The following SPECC1L variants were observed in gnomAD, a reference collection of about 807,000 sequenced individuals.
SPECC1L encodes the protein cytospin-A.
Under a neutral mutation model 116.8 loss-of-function variants are expected in SPECC1L, and 40 were observed. The observed-to-expected ratio is 0.34, with a 90% CI of 0.27 to 0.45. The LOEUF is 0.45. SPECC1L is among the 20% of genes least tolerant of loss of function. The pLI, the probability that SPECC1L is intolerant of heterozygous loss-of-function variation, is 1.00. For synonymous variants in SPECC1L, 504 were observed against 500.6 expected, an observed-to-expected ratio of 1.01 and a Z score of -0.09; for missense variants, 1,110 against 1,373.6, an observed-to-expected ratio of 0.81 and a Z score of 3.03.
chr22:24,324,168 A>G (rs2040773666), intron 5 of SPECC1L, 52 bp from the exon 6 acceptor site: 2 of 1,481,588 alleles, frequency 1.3e-6, no homozygotes, highest in Non-Finnish European at 1.9e-6. Flanking sequence ...TCTGGAACGT[A>G]CCTTAGAACA....
chr22:24,278,627 G>T (rs922047811), intron 2 of SPECC1L, among the ~76,000 whole-genome samples: 4 of 152,168 alleles, frequency 2.6e-5, no homozygotes, highest in Non-Finnish European at 5.9e-5. Context: ...TTCCAATGGA[G>T]GGGGTGGAGG....
intron 14 of SPECC1L, among the ~76,000 whole-genome samples, chr22:24,410,071 A>C (rs2042664354): frequency 6.6e-6 from 1 of 152,272 alleles, no homozygotes; most frequent in African/African-American, 2.4e-5. Context: ...TGGAGAGCAC[A>C]TAGCCGGCCT....
In SPECC1L at chr22:24,366,226, G is replaced by A. The variant is rs1337675555; in HGVS notation, c.2984+594G>A. The stretch of plus-strand genomic sequence containing the variant: ...TTTTTTTTTTTTGAGATGGAGCCTC[G>A]CTGTCGCCCAGGTTGGAGTGCAGTG... On this transcript the variant is annotated intron_variant, in intron 13 of 16. Transcript: ENST00000314328. Among the ~76,000 whole-genome samples, 7 of 151,356 alleles carry A rather than the reference G, an allele frequency of 4.6e-5. No individual in the cohort carries two copies. The South Asian group carries it at 1.3e-3, about 27-fold the overall frequency.
chr22:24,341,120 A>G (rs1489757777), intron 10 of SPECC1L, among the ~76,000 whole-genome samples: 2 of 152,148 alleles, frequency 1.3e-5, no homozygotes, highest in Non-Finnish European at 1.5e-5. Flanking sequence ...ATTGGATCTG[A>G]GTAGACACAA....
rs2042827816 is a variant in SPECC1L, at chr22:24,417,678, A to G, written c.*3055A>G. 6.6e-6 allele frequency: 1 copy of G among 152,220 alleles called. No homozygotes were observed. 9.4% of individuals were successfully genotyped at this position (152,220 alleles called of 1,614,324 possible). On this transcript the variant is annotated 3_prime_UTR_variant, in exon 17 of 17. Coordinates refer to ENST00000314328, the MANE Select transcript of SPECC1L (RefSeq NM_015330.6). The stretch of plus-strand genomic sequence containing the variant: ...GGAAATAATTGTCAGGATGTATAAA[A>G]TAGAGAAAAAGAAAAAAGGTATCCT...
At chr22:24,357,645 G>A (rs2041558681) in intron 11 of SPECC1L, among the ~76,000 whole-genome samples, 1 of 152,114 alleles carries the variant, frequency 6.6e-6, no homozygotes, top group Non-Finnish European at 1.5e-5. Context: ...TTTAAATGTG[G>A]GAGTTTGAGT....
In SPECC1L at chr22:24,322,339, C is replaced by T. The variant is rs143055101; in HGVS notation, c.1359C>T (p.Ser453=). Residue 453 remains serine, a synonymous_variant, in exon 5 of 17, where the codon AGC becomes AGT. Transcript: ENST00000314328. ...VILMESLCQQ[S]DKLEHFSRQI... ...TGATGGAGTCTTTATGTCAGCAGAG[C>T]GATAAGTTGGAACACTTTAGTCGAC... 1,200 of 1,614,124 alleles carry T rather than the reference C, an allele frequency of 7.4e-4. 6 individuals carry two copies. In the African/African-American group the frequency reaches 0.012, roughly 17 times the overall value.
At chr22:24,387,380 T>G (rs2042181059) in intron 14 of SPECC1L, among the ~76,000 whole-genome samples, 1 of 152,178 alleles carries the variant, frequency 6.6e-6, no homozygotes, top group African/African-American at 2.4e-5. Flanking sequence ...AGAATAGTGG[T>G]TATCTTTAGG....
At chr22:24,395,445 CAG>C in intron 14 of SPECC1L, among the ~76,000 whole-genome samples, 1 of 152,130 alleles carries the variant, frequency 6.6e-6, no homozygotes, top group South Asian at 2.1e-4. Context: ...CCCATAATAC[CAG>C]AGAGGGACTG....
At chr22:24,280,001 T>G (rs1366253589) in intron 2 of SPECC1L, among the ~76,000 whole-genome samples, 6 of 152,268 alleles carry the variant, frequency 3.9e-5, no homozygotes, top group Non-Finnish European at 7.3e-5. Flanking sequence ...TTTTGAATTT[T>G]GCTGTCTTGA....
intron 5 of SPECC1L, among the ~76,000 whole-genome samples, chr22:24,323,621 TTTTA>T (rs1229314475): frequency 1.6e-4 from 24 of 152,350 alleles, no homozygotes; most frequent in Admixed American, 1.4e-3. Context: ...CTAGCTTACA[TTTTA>T]TTTATTTGTT....
intron 14 of SPECC1L, among the ~76,000 whole-genome samples, chr22:24,372,524 C>T (rs1379147505): frequency 3.3e-5 from 5 of 152,214 alleles, no homozygotes; most frequent in East Asian, 3.9e-4. Flanking sequence ...TGACAAAAAC[C>T]ATATGATTAT....
At chr22:24,383,345 G>A (rs965619780) in intron 14 of SPECC1L, among the ~76,000 whole-genome samples, 2 of 152,154 alleles carry the variant, frequency 1.3e-5, no homozygotes, top group Non-Finnish European at 2.9e-5. Context: ...GGGAAACCAA[G>A]GTGGGAGGAT....
intron 14 of SPECC1L, among the ~76,000 whole-genome samples, chr22:24,388,837 T>A (rs190534037): frequency 2.0e-5 from 3 of 152,338 alleles, no homozygotes; most frequent in Admixed American, 1.3e-4. Flanking sequence ...TTGTGTTATT[T>A]TTTTTACAAC....
chr22:24,390,111 C>G (rs1435901976), intron 14 of SPECC1L, among the ~76,000 whole-genome samples: 1 of 150,684 alleles, frequency 6.6e-6, no homozygotes, highest in African/African-American at 2.4e-5. Flanking sequence ...AATGTTATTT[C>G]TACTCATCCC....
intron 13 of SPECC1L, among the ~76,000 whole-genome samples, chr22:24,366,592 A>G (rs2041771568): frequency 1.3e-5 from 2 of 152,174 alleles, no homozygotes; most frequent in Non-Finnish European, 2.9e-5. Flanking sequence ...ATAACAGTGG[A>G]AAAGAGGTGA....
At chr22:24,354,167 A>G (rs1212862393) in intron 11 of SPECC1L, among the ~76,000 whole-genome samples, 2 of 152,144 alleles carry the variant, frequency 1.3e-5, no homozygotes, top group Admixed American at 6.5e-5. Context: ...ATCTGCTCCT[A>G]TGACCCGGGT....
At chr22:24,336,721 G>A (rs1251886080) in intron 9 of SPECC1L, among the ~76,000 whole-genome samples, 3 of 152,016 alleles carry the variant, frequency 2.0e-5, no homozygotes, top group Non-Finnish European at 4.4e-5. Context: ...TTTTTTAAAA[G>A]CCTCATGTTA....
chr22:24,385,404 AAAAGACAAAG>A (rs1317158414), intron 14 of SPECC1L, among the ~76,000 whole-genome samples: 2 of 152,230 alleles, frequency 1.3e-5, no homozygotes. Flanking sequence ...TATTCCAGTT[AAAAGACAAAG>A]ATTTTCATGT....
Sources: gnomAD v4.1 joint callset for allele counts (sites outside exome capture counted in the v4.1 genomes callset) on GRCh38, gnomAD v4.1.1 for gene constraint, MANE v1.5 for transcripts, NCBI Gene and HGNC (gene_info 2026-07-23, HGNC 2026-07-21) for gene names.